Variants in PCDHGA4 observed in about 807,000 individuals in gnomAD.
PCDHGA4 encodes the protein protocadherin gamma-A4.
A neutral mutation model predicts 54.6 loss-of-function variants in PCDHGA4; 38 were observed. That is an observed-to-expected ratio of 0.70 (90% CI 0.54 to 0.91). The LOEUF (loss-of-function observed/expected upper bound fraction) is 0.91, where lower values mean the gene tolerates loss of function less well. Ranked by LOEUF, PCDHGA4 falls within the 40% of genes least tolerant of loss-of-function variation. The probability of loss-of-function intolerance (pLI) is 0.00; values close to 1 mark genes in which losing one functional copy is unlikely to be tolerated. For synonymous variants in PCDHGA4, 511 were observed against 512.9 expected (o/e 1.00, Z 0.05); for missense variants, 1,298 against 1,220.9 (o/e 1.06, Z -0.94).
At chr5:141,399,937 G>C in intron 1 of PCDHGA4, 1 of 1,612,360 alleles carries the variant, frequency 6.2e-7, no homozygotes, top group African/African-American at 1.3e-5. Flanking sequence ...GTCCTACCAC[G>C]TGCTGCAGGC....
At chr5:141,420,222 TG>T in intron 1 of PCDHGA4, 1 of 1,604,490 alleles carries the variant, frequency 6.2e-7, no homozygotes, top group East Asian at 2.2e-5. Flanking sequence ...AGCATGCTAC[TG>T]GCTAGCATTT....
At chr5:141,497,307 C>T (rs1295364802) in intron 2 of PCDHGA4, among the ~76,000 whole-genome samples, 1 of 152,096 alleles carries the variant, frequency 6.6e-6, no homozygotes, top group Non-Finnish European at 1.5e-5. Flanking sequence ...CCAGGCCATA[C>T]ACTGGCTTTG....
chr5:141,370,949 C>T (rs1317760178), intron 1 of PCDHGA4: 2 of 1,613,980 alleles, frequency 1.2e-6, no homozygotes, highest in Non-Finnish European at 8.5e-7. Flanking sequence ...AGAAGGAGAA[C>T]CTGGATGGCA....
chr5:141,477,932 C>G lies in PCDHGA4; in HGVS notation c.2515-16875C>G, dbSNP rs1193822505. The G allele has an allele frequency of 3.1e-6, 5 of 1,614,040 alleles. No individual in the cohort carries two copies. The highest frequency in any genetic ancestry group is 4.2e-6 in the Non-Finnish European group (5 of 1,180,042). On this transcript the variant is annotated intron_variant, in intron 1 of 3. Transcript: ENST00000571252. This position sits in a 1 kb window ranked among gnomAD's most constrained non-coding sequence, Gnocchi z 4.9. ...CGCGGATGCAGGGCACAATGCCTGG[C>G]TCTCCTACAGTCTCTTGGGATCCCC... is the stretch of plus-strand genomic sequence containing the variant.
intron 1 of PCDHGA4, among the ~76,000 whole-genome samples, chr5:141,460,763 T>A (rs904048213): frequency 4.6e-5 from 7 of 152,170 alleles, no homozygotes; most frequent in Admixed American, 1.3e-4. Context: ...ATATACATAT[T>A]GCATATGTAT....
At chr5:141,510,873 T>A in intron 3 of PCDHGA4, 74 bp from the exon 4 acceptor site, 1 of 1,609,964 alleles carries the variant, frequency 6.2e-7, no homozygotes, top group Non-Finnish European at 8.5e-7. Flanking sequence ...ATTCATTAAC[T>A]GCTGGGGATA....
chr5:141,490,480 C>A lies in PCDHGA4; in HGVS notation c.2515-4327C>A, dbSNP rs564439931. ...GCTGCTAACCAGCCAGCCTTTGGAC[C>A]GGGAGGCCACATCCCACTATATCAT... On this transcript the variant is annotated intron_variant, in intron 1 of 3. Transcript: ENST00000571252. The surrounding 1 kb of genome is among the most constrained non-coding windows in gnomAD (Gnocchi z 5.4). 2.5e-5 allele frequency: 40 copies of A among 1,614,076 alleles called. No homozygotes were observed. The highest frequency in any genetic ancestry group is 5.9e-6 in the Non-Finnish European group (7 of 1,180,058).
rs70988800 is a variant in PCDHGA4 at position 141,379,889 on chromosome 5, C to CTTTTTTTTTTTTTTTTTTTTTTTT, written c.2514+22275_2514+22298dup. Among the ~76,000 whole-genome samples, 49 of 50,830 alleles carry CTTTTTTTTTTTTTTTTTTTTTTTT rather than the reference C, an allele frequency of 9.6e-4. 5 individuals are homozygous for CTTTTTTTTTTTTTTTTTTTTTTTT. The highest frequency in any genetic ancestry group is 1.6e-3 in the Non-Finnish European group (41 of 25,880). 33.3% of individuals were successfully genotyped at this position (50,830 alleles called of 152,430 possible). ...CTTATTTTATGGTCTGTGAAAGCCT[C>CTTTTTTTTTTTTTTTTTTTTTTTT]TTTTTTTTTTTTTTTTTTTTTTTTT... On this transcript the variant is annotated intron_variant, in intron 1 of 3. Coordinates refer to ENST00000571252, the MANE Select transcript of PCDHGA4 (RefSeq NM_018917.4).
chr5:141,393,126 A>C (rs1216742718), intron 1 of PCDHGA4: 1 of 1,613,316 alleles, frequency 6.2e-7, no homozygotes, highest in East Asian at 2.2e-5. Context: ...GTGTCTGATA[A>C]ATATTAACAC....
At chr5:141,482,235 T>C (rs2099554999) in intron 1 of PCDHGA4, among the ~76,000 whole-genome samples, 1 of 152,174 alleles carries the variant, frequency 6.6e-6, no homozygotes, top group Non-Finnish European at 1.5e-5. Context: ...AAATTGCCAA[T>C]ATAAGTATAG....
chr5:141,413,785 C>T (rs771027783), intron 1 of PCDHGA4: 1 of 1,613,186 alleles, frequency 6.2e-7, no homozygotes, highest in Non-Finnish European at 8.5e-7. Flanking sequence ...GGAGCACTCC[C>T]TAGATCGCGA....
intron 1 of PCDHGA4, chr5:141,370,267 C>G (rs960781969): frequency 3.9e-6 from 3 of 767,522 alleles, no homozygotes; most frequent in Non-Finnish European, 6.1e-6. Flanking sequence ...CTTCCTGCAG[C>G]GGAGACACCC....
chr5:141,389,843 G>A lies in PCDHGA4; in HGVS notation c.2514+32222G>A, dbSNP rs372102656. On this transcript the variant is annotated intron_variant, in intron 1 of 3. Transcript: ENST00000571252. ...GTGACGGTGGACAGCCACCACTCTC[G>A]GCCACTGCCACGTTGCACCTGGTCT... is the stretch of plus-strand genomic sequence containing the variant. The A allele has an allele frequency of 3.7e-6, 6 of 1,613,898 alleles. 1 individual carries two copies. The highest frequency in any genetic ancestry group is 2.7e-5 in the African/African-American group (2 of 74,948).
chr5:141,439,716 C>T (rs2098127719), intron 1 of PCDHGA4: 1 of 152,476 alleles, frequency 6.6e-6, no homozygotes, highest in Non-Finnish European at 1.5e-5. Flanking sequence ...CCTAGTTCTA[C>T]AAATTATAAG....
intron 1 of PCDHGA4, chr5:141,412,915 T>C (rs1167427710): frequency 2.0e-5 from 8 of 407,356 alleles, no homozygotes; most frequent in Non-Finnish European, 2.6e-5. Flanking sequence ...ATGTATCACT[T>C]GGGTGCAGTA....
chr5:141,483,764 A>G (rs1170910094), intron 1 of PCDHGA4, among the ~76,000 whole-genome samples: 1 of 152,104 alleles, frequency 6.6e-6, no homozygotes, highest in East Asian at 1.9e-4. Context: ...AGGCTTGGAA[A>G]AATATTGGGG....
At chr5:141,406,827 A>G (rs2094856328) in intron 1 of PCDHGA4, among the ~76,000 whole-genome samples, 1 of 152,242 alleles carries the variant, frequency 6.6e-6, no homozygotes, top group South Asian at 2.1e-4. Context: ...CTAGAAATGA[A>G]CTTGCATATC....
At chr5:141,374,404 C>T (rs1383124731) in intron 1 of PCDHGA4, 2 of 1,613,916 alleles carry the variant, frequency 1.2e-6, no homozygotes, top group South Asian at 1.1e-5. Context: ...TGAGTTTTAA[C>T]ATCCTTGTCG....
intron 1 of PCDHGA4, among the ~76,000 whole-genome samples, chr5:141,363,849 A>C (rs1476052726): frequency 6.6e-6 from 1 of 152,206 alleles, no homozygotes; most frequent in African/African-American, 2.4e-5. Flanking sequence ...AATTTAATGG[A>C]CTAAATATAG....
Sources: gnomAD v4.1 joint callset for allele counts (sites outside exome capture counted in the v4.1 genomes callset) on GRCh38, gnomAD v4.1.1 for gene constraint, Gnocchi (gnomAD v3.1) non-coding constraint, MANE v1.5 for transcripts, NCBI Gene and HGNC (gene_info 2026-07-23, HGNC 2026-07-21) for gene names.